Variants in ST6GALNAC3 observed in about 807,000 individuals in gnomAD.
ST6GALNAC3 encodes ST6 N-acetylgalactosaminide alpha-2,6-sialyltransferase 3, also known as alpha-N-acetylgalactosaminide alpha-2,6-sialyltransferase 3.
In ST6GALNAC3, 25 loss-of-function variants were observed where a neutral mutation model predicts 32.7. The observed-to-expected ratio is 0.76, with a 90% CI of 0.56 to 1.07. The LOEUF (loss-of-function observed/expected upper bound fraction) is 1.07. Ranked by LOEUF, ST6GALNAC3 falls within the 50% of genes least tolerant of loss-of-function variation. ST6GALNAC3 has a pLI of 0.00. For missense variants in ST6GALNAC3, 355 were observed against 382.4 expected (o/e 0.93, Z 0.60); for synonymous variants, 129 against 133.1 (o/e 0.97, Z 0.21).
intron 1 of ST6GALNAC3, among the ~76,000 whole-genome samples, chr1:76,206,960 G>T (rs1277320655): frequency 2.0e-5 from 3 of 152,116 alleles, no homozygotes; most frequent in Non-Finnish European, 4.4e-5. Context: ...CCTTGAGGAC[G>T]CAATATGCTA....
chr1:76,526,320 C>G (rs1662909408), intron 3 of ST6GALNAC3, among the ~76,000 whole-genome samples: 1 of 152,056 alleles, frequency 6.6e-6, no homozygotes, highest in Admixed American at 6.6e-5. Context: ...TTTTTAGAAC[C>G]TGGCTTAAGA....
intron 1 of ST6GALNAC3, among the ~76,000 whole-genome samples, chr1:76,215,683 T>A (rs1655416351): frequency 6.6e-6 from 1 of 152,028 alleles, no homozygotes; most frequent in Non-Finnish European, 1.5e-5. Context: ...GGACAGTGAG[T>A]GGATGGCAAT....
At chr1:76,452,793 T>C (rs1657503026) in intron 3 of ST6GALNAC3, among the ~76,000 whole-genome samples, 1 of 152,188 alleles carries the variant, frequency 6.6e-6, no homozygotes. Flanking sequence ...ACTGGCTTCA[T>C]AGAATGACTT....
rs559955842 is a variant in ST6GALNAC3, at chr1:76,510,442, A to G, written c.623+98025A>G. ...AGCAGCCAGTTATTACACATAAAAC[A>G]CAAGAACATATTATATAGGAACAAT... On this transcript the variant is annotated intron_variant, in intron 3 of 4. Coordinates refer to ENST00000328299, the MANE Select transcript of ST6GALNAC3 (RefSeq NM_152996.4). Among the ~76,000 whole-genome samples the G allele has an allele frequency of 3.3e-5, 5 of 152,298 alleles. No individual in the cohort carries two copies. The South Asian group carries it at 1.0e-3, about 32-fold the overall frequency.
chr1:76,510,862 T>C (rs1328033473), intron 3 of ST6GALNAC3, among the ~76,000 whole-genome samples: 2 of 152,186 alleles, frequency 1.3e-5, no homozygotes, highest in Non-Finnish European at 2.9e-5. Flanking sequence ...TTAAATACTG[T>C]ACAGGAAGTG....
chr1:76,325,836 T>A (rs1647058063), intron 2 of ST6GALNAC3, among the ~76,000 whole-genome samples: 1 of 151,414 alleles, frequency 6.6e-6, no homozygotes, highest in African/African-American at 2.4e-5. Flanking sequence ...TTTATTTTGT[T>A]TCATTGATCA....
intron 1 of ST6GALNAC3, among the ~76,000 whole-genome samples, chr1:76,298,981 T>C (rs1356836656): frequency 6.6e-6 from 1 of 152,056 alleles, no homozygotes; most frequent in African/African-American, 2.4e-5. Context: ...TCACCTATTT[T>C]ACTCAGGAAG....
intron 1 of ST6GALNAC3, among the ~76,000 whole-genome samples, chr1:76,235,354 A>T (rs1401302957): frequency 6.6e-6 from 1 of 151,818 alleles, no homozygotes; most frequent in African/African-American, 2.4e-5. Flanking sequence ...AAAAATTAAA[A>T]CTATTAGCCA....
chr1:76,496,707 T>C (rs1355960212), intron 3 of ST6GALNAC3, among the ~76,000 whole-genome samples: 2 of 152,176 alleles, frequency 1.3e-5, no homozygotes, highest in Non-Finnish European at 2.9e-5. Context: ...ATAATTAAAT[T>C]GTGTCCCAGC....
rs983466621 is a variant in ST6GALNAC3, at chr1:76,517,914, C to T, written c.623+105497C>T. Among the ~76,000 whole-genome samples the T allele has an allele frequency of 5.9e-5, 9 of 151,936 alleles. 1 individual carries two copies. The highest frequency in any genetic ancestry group is 2.2e-4 in the African/African-American group (9 of 41,394). ...TATTTATTTAGCCAGAAAGTGTGGA[C>T]CATAATTTCTACTGTTACAAATGTG... On this transcript the variant is annotated intron_variant, in intron 3 of 4. Coordinates refer to ENST00000328299, the MANE Select transcript of ST6GALNAC3 (RefSeq NM_152996.4).
intron 1 of ST6GALNAC3, among the ~76,000 whole-genome samples, chr1:76,250,564 G>A (rs904934502): frequency 2.0e-5 from 3 of 152,296 alleles, no homozygotes; most frequent in Non-Finnish European, 2.9e-5. Flanking sequence ...CATTTGCAGA[G>A]GTGAAAGAGA....
intron 1 of ST6GALNAC3, among the ~76,000 whole-genome samples, chr1:76,156,668 A>G (rs1651448489): frequency 6.6e-6 from 1 of 152,140 alleles, no homozygotes; most frequent in Non-Finnish European, 1.5e-5. Context: ...ACTCACTACA[A>G]GATACTCCAG....
intron 1 of ST6GALNAC3, among the ~76,000 whole-genome samples, chr1:76,082,726 T>A (rs1646913725): frequency 6.6e-6 from 1 of 152,130 alleles, no homozygotes; most frequent in Non-Finnish European, 1.5e-5. Flanking sequence ...CCACACTCCA[T>A]ATCTCCAGGC....
At chr1:76,221,713 A>G (rs532143828) in intron 1 of ST6GALNAC3, among the ~76,000 whole-genome samples, 1 of 152,304 alleles carries the variant, frequency 6.6e-6, no homozygotes, top group South Asian at 2.1e-4. Flanking sequence ...TTTAAGTATG[A>G]TAATGAATTT....
intron 1 of ST6GALNAC3, among the ~76,000 whole-genome samples, chr1:76,233,404 T>C (rs1353853905): frequency 6.6e-6 from 1 of 152,144 alleles, no homozygotes; most frequent in Non-Finnish European, 1.5e-5. Context: ...TAAAGAAGCA[T>C]ACAAGTAAGC....
intron 2 of ST6GALNAC3, among the ~76,000 whole-genome samples, chr1:76,394,186 C>A (rs1014098874): frequency 4.6e-5 from 7 of 152,156 alleles, no homozygotes; most frequent in Admixed American, 6.5e-5. Context: ...TATGCAGAAG[C>A]ATATAGCTAG....
At chr1:76,201,529 T>C (rs1399576349) in intron 1 of ST6GALNAC3, among the ~76,000 whole-genome samples, 1 of 152,172 alleles carries the variant, frequency 6.6e-6, no homozygotes, top group Non-Finnish European at 1.5e-5. Context: ...AAACTGAATG[T>C]ATAGGTGGTC....
At chr1:76,262,054 T>C (rs1026771868) in intron 1 of ST6GALNAC3, among the ~76,000 whole-genome samples, 3 of 152,204 alleles carry the variant, frequency 2.0e-5, no homozygotes, top group African/African-American at 7.2e-5. Flanking sequence ...TATTTTTGAA[T>C]CTAGTGTCTG....
intron 1 of ST6GALNAC3, among the ~76,000 whole-genome samples, chr1:76,284,704 C>A (rs1432980487): frequency 6.6e-6 from 1 of 152,002 alleles, no homozygotes; most frequent in Non-Finnish European, 1.5e-5. Context: ...CTGAAACGAT[C>A]TCCTGAGGCA....
Sources: gnomAD v4.1 joint callset for allele counts (sites outside exome capture counted in the v4.1 genomes callset) on GRCh38, gnomAD v4.1.1 for gene constraint, MANE v1.5 for transcripts, NCBI Gene and HGNC (gene_info 2026-07-23, HGNC 2026-07-21) for gene names.